Variants in YTHDF1 observed in about 807,000 individuals in gnomAD.
The protein encoded by YTHDF1 is YTH N6-methyladenosine RNA binding protein F1, also known as YTH domain-containing family protein 1.
YTHDF1 carries 16 observed loss-of-function variants against 49.1 expected under a neutral mutation model. The observed-to-expected ratio is 0.33, with a 90% CI of 0.22 to 0.49. The LOEUF is 0.49. YTHDF1 is among the 20% of genes least tolerant of loss of function. The pLI is 0.99. For synonymous variants in YTHDF1, 313 were observed against 290.1 expected, an observed-to-expected ratio of 1.08 and a Z score of -0.80; for missense variants, 621 against 744.3, an observed-to-expected ratio of 0.83 and a Z score of 1.93.
chr20:63,206,160 A>G (rs768832621), intron 3 of YTHDF1, among the ~76,000 whole-genome samples: 31 of 152,334 alleles, frequency 2.0e-4, no homozygotes, highest in Admixed American at 1.8e-3. Flanking sequence ...CATTAGCTGG[A>G]CACGTGCTCC....
intron 3 of YTHDF1, among the ~76,000 whole-genome samples, chr20:63,205,291 G>C (rs1056988751): frequency 1.3e-5 from 2 of 152,154 alleles, no homozygotes; most frequent in African/African-American, 4.8e-5. Flanking sequence ...CCCAGACAAT[G>C]AAACAGGCCT....
chr20:63,196,756 G>C, intron 4 of YTHDF1, 22 bp from the exon 5 acceptor site: 1 of 1,613,750 alleles, frequency 6.2e-7, no homozygotes. Context: ...AAAAACAAAA[G>C]TTGAACGCAG....
At position 63,203,117 on chromosome 20, in the gene YTHDF1, C is replaced by T. The variant is rs2066526366; in HGVS notation, c.823G>A (p.Asp275Asn). The stretch of plus-strand genomic sequence containing the variant: ...GCCTTCGGCACAGGCCCCTTGTTAT[C>T]CCAGGTGCCAATGTCCATGTTATGC... The part of the protein sequence containing the change: ...IKHNMDIGTW[D>N]NKGPVPKAPV... The change falls in exon 4 of 5, where the codon GAT becomes AAT. Residue 275 changes from aspartate (D) to asparagine (N), a missense_variant. By Grantham distance (23) the Asp-to-Asn change is conservative. This residue lies in a region of YTHDF1 where 470 missense variants were observed against 495.8 expected (regional missense o/e 0.95). Transcript: ENST00000370339. The surrounding 1 kb of genome is among the most constrained non-coding windows in gnomAD (Gnocchi z 4.4). 1.2e-6 allele frequency: 2 copies of T among 1,612,054 alleles called. No individual in the cohort carries two copies. The highest frequency in any genetic ancestry group is 1.3e-5 in the African/African-American group (1 of 74,868).
intron 1 of YTHDF1, 22 bp downstream of exon 1, chr20:63,215,844 C>G (rs1424653220): frequency 2.1e-6 from 3 of 1,456,664 alleles, no homozygotes; most frequent in Non-Finnish European, 2.7e-6. Flanking sequence ...CGGCCGCGGC[C>G]CCTGTAACCC....
chr20:63,203,766 G>C lies in YTHDF1; in HGVS notation c.174C>G (p.Ser58Arg), dbSNP rs752038677. ...YPSMSDPYLS[S>R]YYPPSIGFPY... ...GAAATCCAATGGACGGCGGGTAATA[G>C]CTGGACAGGTAGGGGTCGCTCATTG... The change falls in exon 4 of 5, where the codon AGC becomes AGG. Residue 58 changes from serine (S) to arginine (R), a missense_variant. Ser to Arg is a moderately radical substitution (Grantham distance 110). This residue lies in a region of YTHDF1 where 470 missense variants were observed against 495.8 expected (regional missense o/e 0.95). Transcript: ENST00000370339. The surrounding 1 kb of genome is among the most constrained non-coding windows in gnomAD (Gnocchi z 4.4). The C allele has an allele frequency of 6.2e-7, 1 of 1,613,720 alleles. No homozygotes were observed. Among genetic ancestry groups the C allele is most frequent in the Non-Finnish European group, 8.5e-7 (1 of 1,179,660 alleles).
intron 4 of YTHDF1, among the ~76,000 whole-genome samples, chr20:63,198,280 A>C (rs897184031): frequency 1.6e-4 from 23 of 145,786 alleles, no homozygotes; most frequent in African/African-American, 5.5e-4. Flanking sequence ...TAAAAATACA[A>C]AAAAAAAAAA....
chr20:63,202,901 C>T lies in YTHDF1; in HGVS notation c.1039G>A (p.Asp347Asn), dbSNP rs755578369. The change falls in exon 4 of 5, where the codon GAT becomes AAT. Residue 347 changes from aspartate (D) to asparagine (N), a missense_variant. Coordinates refer to ENST00000370339, the MANE Select transcript of YTHDF1 (RefSeq NM_017798.4). ...TGGACGTTTCCAGGAGAGTTGCTATCGCTGCCAGCCCCTCCGCTCTGCCCA... is the reference window on the plus strand; with the variant it reads ...TGGACGTTTCCAGGAGAGTTGCTATTGCTGCCAGCCCCTCCGCTCTGCCCA... ...AFGQSGGAGS[D>N]SNSPGNVQPN... is the part of the protein sequence containing the mutation. 9 of 1,613,832 alleles carry T rather than the reference C, an allele frequency of 5.6e-6. No homozygotes were observed. The highest frequency in any genetic ancestry group is 3.3e-5 in the Admixed American group (2 of 60,018).
rs1385539902 is a variant in YTHDF1 at position 63,195,687 on chromosome 20, C to T, written c.*1021G>A. 3.3e-5 allele frequency: 5 copies of T among 152,670 alleles called. 1 individual carries two copies. The South Asian group carries it at 6.2e-4, about 19-fold the overall frequency. 9.5% of individuals were successfully genotyped at this position (152,670 alleles called of 1,614,324 possible). A position where few individuals can be genotyped will look rare whatever the true frequency, so the allele number is the denominator to read the frequency against. ...GCGCTGGAGCGTCAGGCATGGGCAC[C>T]ATTTTCATGCTTCAACTCAAACTCC... On this transcript the variant is annotated 3_prime_UTR_variant, in exon 5 of 5. Transcript: ENST00000370339.
At position 63,196,301 on chromosome 20, in the gene YTHDF1, G is replaced by T. The variant is rs1042762457; in HGVS notation, c.*407C>A. Reference sequence around the variant, plus strand: ...TCAGTATTTTCAAGAGATTTTATCAGAATACTCTAAATGACAAAATGACTC... The same window carrying T: ...TCAGTATTTTCAAGAGATTTTATCATAATACTCTAAATGACAAAATGACTC... On this transcript the variant is annotated 3_prime_UTR_variant, in exon 5 of 5. Transcript: ENST00000370339. The T allele has an allele frequency of 6.3e-6, 1 of 157,858 alleles. No homozygotes were observed. The highest frequency in any genetic ancestry group is 1.4e-5 in the Non-Finnish European group (1 of 72,096). 9.8% of individuals were successfully genotyped at this position (157,858 alleles called of 1,614,324 possible).
intron 4 of YTHDF1, among the ~76,000 whole-genome samples, chr20:63,201,086 A>G (rs568921231): frequency 5.9e-5 from 9 of 152,254 alleles, no homozygotes; most frequent in African/African-American, 2.2e-4. Flanking sequence ...TCAGTAACTA[A>G]TTCAGAATTC....
At chr20:63,204,452 T>TC (rs1179054152) in intron 3 of YTHDF1, among the ~76,000 whole-genome samples, 1 of 152,168 alleles carries the variant, frequency 6.6e-6, no homozygotes, top group Non-Finnish European at 1.5e-5. Flanking sequence ...TGCCTCTAAG[T>TC]CCAAGGGGGT....
intron 4 of YTHDF1, among the ~76,000 whole-genome samples, chr20:63,198,172 C>A (rs1319498863): frequency 6.6e-6 from 1 of 152,046 alleles, no homozygotes; most frequent in African/African-American, 2.4e-5. Context: ...GTGGCTCATG[C>A]CTGTAATCCT....
At position 63,203,829 on chromosome 20, in the gene YTHDF1, G is replaced by A. The variant is rs754619525; in HGVS notation, c.133-22C>T. 1 of 1,578,710 alleles carries A rather than the reference G, an allele frequency of 6.3e-7. No homozygotes were observed. Among genetic ancestry groups the A allele is most frequent in the Non-Finnish European group, 8.6e-7 (1 of 1,157,342 alleles). On this transcript the variant is annotated intron_variant, in intron 3 of 4. Transcript: ENST00000370339. This position sits in a 1 kb window ranked among gnomAD's most constrained non-coding sequence, Gnocchi z 4.4. ...TACTCTGCAAAAGCAAACGTGACAAGTTACACCACTTCTACAACACGAGAT... is the reference window on the plus strand; with the variant it reads ...TACTCTGCAAAAGCAAACGTGACAAATTACACCACTTCTACAACACGAGAT...
At chr20:63,215,292 A>C (rs2066595979) in intron 2 of YTHDF1, among the ~76,000 whole-genome samples, 1 of 152,146 alleles carries the variant, frequency 6.6e-6, no homozygotes, top group Non-Finnish European at 1.5e-5. Context: ...CCCTGCGGCC[A>C]TGTCCACCCG....
intron 1 of YTHDF1, 48 bp from the exon 2 acceptor site, chr20:63,215,649 G>C (rs549502612): frequency 5.1e-6 from 8 of 1,578,344 alleles, no homozygotes; most frequent in Non-Finnish European, 6.9e-6. Context: ...CCCGGGGGAA[G>C]AGGGAAACAC....
chr20:63,213,393 T>C (rs899101943), intron 3 of YTHDF1, among the ~76,000 whole-genome samples: 1 of 152,186 alleles, frequency 6.6e-6, no homozygotes, highest in Non-Finnish European at 1.5e-5. Context: ...GATCACGCCA[T>C]TGCGCTCCAG....
rs770428656 is a variant in YTHDF1, at chr20:63,203,248, G to A, written c.692C>T (p.Pro231Leu). Residue 231 changes from proline (P) to leucine (L), a missense_variant, in exon 4 of 5, where the codon CCG (proline) becomes CTG (leucine). Transcript: ENST00000370339. The surrounding 1 kb of genome is among the most constrained non-coding windows in gnomAD (Gnocchi z 4.4). ...GTNVNMPVSK[P>L]TSWAAIASKP... is the part of the protein sequence containing the mutation. ...GCTGGCAATGGCAGCCCACGAGGTC[G>A]GCTTTGAAACTGGCATGTTCACATT... The A allele has an allele frequency of 2.0e-5, 33 of 1,613,810 alleles. No individual in the cohort carries two copies. The East Asian group carries it at 3.6e-4, about 17-fold the overall frequency.
At chr20:63,199,167 G>A (rs985013697) in intron 4 of YTHDF1, among the ~76,000 whole-genome samples, 2 of 152,198 alleles carry the variant, frequency 1.3e-5, no homozygotes, top group Non-Finnish European at 2.9e-5. Context: ...AAACCGCCCG[G>A]GGGCTCTACC....
intron 4 of YTHDF1, among the ~76,000 whole-genome samples, chr20:63,201,675 CCCA>C (rs1264196415): frequency 6.6e-6 from 1 of 152,156 alleles, no homozygotes; most frequent in Non-Finnish European, 1.5e-5. Context: ...CCAAACCTAC[CCCA>C]CCACCACCAT....
Sources: gnomAD v4.1 joint callset for allele counts (sites outside exome capture counted in the v4.1 genomes callset) on GRCh38, gnomAD v4.1.1 for gene constraint, gnomAD v4.1.1 regional missense constraint, Gnocchi (gnomAD v3.1) non-coding constraint, MANE v1.5 for transcripts, NCBI Gene and HGNC (gene_info 2026-07-23, HGNC 2026-07-21) for gene names.